The following BDKRB2 variants were observed in gnomAD, a reference collection of about 807,000 sequenced individuals.
BDKRB2 encodes the protein B2 bradykinin receptor.
In BDKRB2, 6 loss-of-function variants were observed where a neutral mutation model predicts 4.0. That is an observed-to-expected ratio of 1.49 (90% CI 0.81 to 2.93). The LOEUF (loss-of-function observed/expected upper bound fraction) is 2.93. Among genes scored for constraint, BDKRB2 ranks in the 30% most tolerant of loss-of-function variants. BDKRB2 has a pLI of 0.00. For synonymous variants in BDKRB2, 225 were observed against 215.3 expected (o/e 1.05, Z -0.40); for missense variants, 478 against 520.1 (o/e 0.92, Z 0.79).
chr14:96,222,649 A>G (rs1381893546), intron 1 of BDKRB2, among the ~76,000 whole-genome samples: 1 of 152,146 alleles, frequency 6.6e-6, no homozygotes, highest in South Asian at 2.1e-4. Context: ...CCAGAGCTGC[A>G]CACTCTCCAA....
In BDKRB2 at chr14:96,241,311, ACC is replaced by A; in HGVS notation, c.985_986del (p.Pro329ThrfsTer75). 1 of 1,613,996 alleles carries A rather than the reference ACC, an allele frequency of 6.2e-7. No homozygotes were observed. Among genetic ancestry groups the A allele is most frequent in the Non-Finnish European group, 8.5e-7 (1 of 1,179,954 alleles). The stretch of plus-strand genomic sequence containing the variant: ...ATGGCCTACAGCAACAGCTGCCTCA[ACC>A]CACTGGTGTACGTGATCGTGGGCAA... On this transcript the variant is annotated frameshift_variant, in exon 3 of 3. Coordinates refer to ENST00000554311, the MANE Select transcript of BDKRB2 (RefSeq NM_001379692.1). LOFTEE classifies it low-confidence loss of function (END_TRUNC).
chr14:96,238,671 C>A, intron 2 of BDKRB2: 1 of 965,742 alleles, frequency 1.0e-6, no homozygotes, highest in Non-Finnish European at 1.2e-6. Flanking sequence ...CAGTTCTGTG[C>A]CTCTGCTCAG....
At chr14:96,220,319 G>C (rs1443349683) in intron 1 of BDKRB2, among the ~76,000 whole-genome samples, 2 of 152,056 alleles carry the variant, frequency 1.3e-5, no homozygotes, top group Non-Finnish European at 2.9e-5. Flanking sequence ...GGTCTCAAAG[G>C]TGAAAGAGGC....
rs966115154 is a variant in BDKRB2, at chr14:96,238,262, C to T, written c.74+1081C>T. On this transcript the variant is annotated intron_variant, in intron 2 of 2. Transcript: ENST00000554311. ...CCCCATGTGGCTGCTTGAGTATCCT[C>T]ACATGGCGGCTCACATCCTTCCAAG... The T allele has an allele frequency of 1.2e-5, 5 of 424,792 alleles. No individual in the cohort carries two copies. In the Admixed American group the frequency reaches 1.9e-4, roughly 16 times the overall value. The allele number at this position is 424,792 out of a possible 1,614,324, so 26.3% of individuals were successfully genotyped here. A position where few individuals can be genotyped will look rare whatever the true frequency, so the allele number is the denominator to read the frequency against.
In BDKRB2 at chr14:96,213,495, A is replaced by AACACACAC. The variant is rs66460667; in HGVS notation, c.-40+8567_-40+8574dup. Among the ~76,000 whole-genome samples, 1,210 of 146,744 alleles carry AACACACAC rather than the reference A, an allele frequency of 8.2e-3. 12 individuals carry two copies. Among genetic ancestry groups the AACACACAC allele is most frequent in the African/African-American group, 0.025 (975 of 39,110 alleles). The stretch of plus-strand genomic sequence containing the variant: ...CTGGGCCTCTGTCTGGACCGACCCA[A>AACACACAC]ACACACACACACACACACACACACA... On this transcript the variant is annotated intron_variant, in intron 1 of 2. Coordinates refer to ENST00000554311, the MANE Select transcript of BDKRB2 (RefSeq NM_001379692.1).
chr14:96,237,025 C>T, intron 1 of BDKRB2, 44 bp from the exon 2 acceptor site: 1 of 1,193,908 alleles, frequency 8.4e-7, no homozygotes, highest in African/African-American at 1.5e-5. Flanking sequence ...ATTTTGCAAT[C>T]CCCAGCCCCT....
At chr14:96,240,052 T>C (rs1169932987) in intron 2 of BDKRB2, 3 of 1,028,622 alleles carry the variant, frequency 2.9e-6, no homozygotes, top group African/African-American at 1.7e-5. Flanking sequence ...AGGGCCCCGG[T>C]TGATAAGGAA....
intron 1 of BDKRB2, among the ~76,000 whole-genome samples, chr14:96,219,283 CAG>C (rs1890499913): frequency 6.6e-6 from 1 of 152,124 alleles, no homozygotes; most frequent in Admixed American, 6.5e-5. Context: ...GCCTAGGTGA[CAG>C]AGCGAGACTC....
chr14:96,221,788 C>T (rs535647831), intron 1 of BDKRB2, among the ~76,000 whole-genome samples: 1 of 152,090 alleles, frequency 6.6e-6, no homozygotes, highest in African/African-American at 2.4e-5. Context: ...GGGCCAAGGT[C>T]ACTGGAGAGG....
chr14:96,234,185 G>A (rs981802535), intron 1 of BDKRB2: 1 of 152,238 alleles, frequency 6.6e-6, no homozygotes, highest in Non-Finnish European at 1.5e-5. Context: ...TGTTAATGAA[G>A]CGTTTCTTTA....
At position 96,243,694 on chromosome 14, in the gene BDKRB2, C is replaced by T. The variant is rs1266149734; in HGVS notation, c.*2190C>T. 1 of 153,040 alleles carries T rather than the reference C, an allele frequency of 6.5e-6. No homozygotes were observed. Among genetic ancestry groups the T allele is most frequent in the African/African-American group, 2.4e-5 (1 of 41,480 alleles). 9.5% of individuals were successfully genotyped at this position (153,040 alleles called of 1,614,324 possible). A position where few individuals can be genotyped will look rare whatever the true frequency, so the allele number is the denominator to read the frequency against. On this transcript the variant is annotated 3_prime_UTR_variant, in exon 3 of 3. Coordinates refer to ENST00000554311, the MANE Select transcript of BDKRB2 (RefSeq NM_001379692.1). ...GCAAAAGCGTCAAAAAAAAGATTCCCTCCTTACCCCCAACCCACTCTTTTT... is the reference window on the plus strand; with the variant it reads ...GCAAAAGCGTCAAAAAAAAGATTCCTTCCTTACCCCCAACCCACTCTTTTT...
intron 1 of BDKRB2, chr14:96,211,102 A>T (rs903492264): frequency 6.6e-6 from 1 of 152,224 alleles, no homozygotes; most frequent in Admixed American, 6.5e-5. Context: ...AGCTCCTTTC[A>T]AGGTAGATTT....
At chr14:96,206,360 G>A (rs1890180003) in intron 1 of BDKRB2, among the ~76,000 whole-genome samples, 1 of 152,162 alleles carries the variant, frequency 6.6e-6, no homozygotes, top group Non-Finnish European at 1.5e-5. Flanking sequence ...CACTGATGAG[G>A]AAACTGAGTC....
intron 1 of BDKRB2, among the ~76,000 whole-genome samples, chr14:96,235,460 G>A (rs79350877): frequency 0.11 from 16,498 of 151,932 alleles, 1,201 homozygotes; most frequent in Middle Eastern, 0.2. Flanking sequence ...AAAGCTCCTA[G>A]GTCTTCCTTT....
chr14:96,240,647 G>A lies in BDKRB2; in HGVS notation c.319G>A (p.Ala107Thr). 1 of 1,568,306 alleles carries A rather than the reference G, an allele frequency of 6.4e-7. No individual in the cohort carries two copies. The highest frequency in any genetic ancestry group is 8.6e-7 in the Non-Finnish European group (1 of 1,159,938). The part of the protein sequence containing the change: ...GNLAAADLIL[A>T]CGLPFWAITI... ...CCTGGCCGCAGCAGACCTGATCCTG[G>A]CCTGCGGGCTGCCCTTCTGGGCCAT... The change falls in exon 3 of 3, where the codon GCC becomes ACC. Residue 107 changes from alanine to threonine, a missense_variant. Ala to Thr is a moderately conservative substitution (Grantham distance 58). Coordinates refer to ENST00000554311, the MANE Select transcript of BDKRB2 (RefSeq NM_001379692.1).
At chr14:96,222,577 T>C (rs1024226226) in intron 1 of BDKRB2, among the ~76,000 whole-genome samples, 5 of 151,924 alleles carry the variant, frequency 3.3e-5, no homozygotes, top group Non-Finnish European at 7.4e-5. Context: ...AGACCAAATA[T>C]GTATTTCCTA....
chr14:96,217,720 G>T (rs1440407394), intron 1 of BDKRB2, among the ~76,000 whole-genome samples: 2 of 151,802 alleles, frequency 1.3e-5, no homozygotes, highest in African/African-American at 4.8e-5. Context: ...GCCAGCCAGA[G>T]CACCTGTCTT....
intron 1 of BDKRB2, among the ~76,000 whole-genome samples, chr14:96,219,553 T>G (rs1279670779): frequency 6.7e-6 from 1 of 149,660 alleles, no homozygotes; most frequent in Non-Finnish European, 1.5e-5. Context: ...AACAACTGGC[T>G]CTCTGGAAAA....
intron 1 of BDKRB2, among the ~76,000 whole-genome samples, chr14:96,232,714 C>T (rs1472059694): frequency 1.3e-5 from 2 of 152,174 alleles, no homozygotes; most frequent in African/African-American, 2.4e-5. Context: ...TTGAAGTGCA[C>T]GGACACCACG....
Sources: allele counts gnomAD v4.1 joint callset (sites outside exome capture counted in the v4.1 genomes callset), GRCh38; gene constraint gnomAD v4.1.1; transcripts MANE v1.5; gene names NCBI Gene and HGNC (gene_info 2026-07-23, HGNC 2026-07-21).